IL31RA: variants seen among roughly 807,000 people sequenced by gnomAD.
IL31RA encodes interleukin-31 receptor subunit alpha.
Under a neutral mutation model 83.7 loss-of-function variants are expected in IL31RA, and 66 were observed. That is an observed-to-expected ratio of 0.79 (90% confidence interval 0.65 to 0.97). IL31RA has a LOEUF of 0.97. Ranked by LOEUF, IL31RA falls within the 50% of genes least tolerant of loss-of-function variation. The pLI is 0.00. For missense variants in IL31RA, 798 were observed against 919.4 expected (o/e 0.87, Z 1.71); for synonymous variants, 325 against 329.0 (o/e 0.99, Z 0.13).
At chr5:55,886,618 C>T (rs1424049232) in intron 5 of IL31RA, among the ~76,000 whole-genome samples, 2 of 152,128 alleles carry the variant, frequency 1.3e-5, no homozygotes, top group Non-Finnish European at 2.9e-5. Context: ...CAGTTGCAAT[C>T]CCAGCTAAAC....
intron 6 of IL31RA, among the ~76,000 whole-genome samples, chr5:55,895,734 A>T (rs986120524): frequency 1.3e-5 from 2 of 152,218 alleles, no homozygotes; most frequent in Non-Finnish European, 2.9e-5. Flanking sequence ...ACCAGAAAAT[A>T]GTTTCCCTTC....
chr5:55,907,627 G>T (rs551864219), intron 10 of IL31RA, among the ~76,000 whole-genome samples, 167 bp downstream of exon 10: 1 of 152,268 alleles, frequency 6.6e-6, no homozygotes, highest in South Asian at 2.1e-4. Context: ...TCTGAAGCTG[G>T]GGTAGACATT....
intron 12 of IL31RA, among the ~76,000 whole-genome samples, chr5:55,912,900 G>A (rs915194711): frequency 6.6e-6 from 1 of 151,842 alleles, no homozygotes; most frequent in African/African-American, 2.4e-5. Context: ...CCAGGAGTTC[G>A]AGGCTACAGT....
chr5:55,877,536 A>G (rs1746933919), intron 4 of IL31RA, among the ~76,000 whole-genome samples: 1 of 152,212 alleles, frequency 6.6e-6, no homozygotes, highest in African/African-American at 2.4e-5. Flanking sequence ...CCTATTGGTA[A>G]TGAACTCTCT....
intron 9 of IL31RA, among the ~76,000 whole-genome samples, chr5:55,907,001 A>G (rs972937341): frequency 6.6e-6 from 1 of 152,214 alleles, no homozygotes; most frequent in Non-Finnish European, 1.5e-5. Flanking sequence ...TAGAAGTCAC[A>G]GTGTTTGAGA....
upstream of IL31RA, among the ~76,000 whole-genome samples, chr5:55,847,775 G>T (rs954926478): frequency 2.0e-5 from 3 of 152,026 alleles, no homozygotes; most frequent in Non-Finnish European, 4.4e-5. Context: ...TCCTTTTTCT[G>T]TTCCAGGATC....
chr5:55,858,528 G>C (rs1028311140), intron 1 of IL31RA, among the ~76,000 whole-genome samples: 1 of 152,092 alleles, frequency 6.6e-6, no homozygotes, highest in African/African-American at 2.4e-5. Flanking sequence ...AAGGATTTCA[G>C]TTGGTTCATA....
intron 1 of IL31RA, among the ~76,000 whole-genome samples, chr5:55,852,465 C>A (rs1459614125): frequency 1.3e-5 from 2 of 152,192 alleles, no homozygotes; most frequent in Non-Finnish European, 2.9e-5. Flanking sequence ...AGCCACCACG[C>A]CTGGCTGGAA....
chr5:55,907,057 T>C (rs1363456299), intron 9 of IL31RA, among the ~76,000 whole-genome samples: 2 of 152,248 alleles, frequency 1.3e-5, no homozygotes, highest in Non-Finnish European at 2.9e-5. Flanking sequence ...TTAGGCAGCG[T>C]GTTCAGCGAT....
In IL31RA at chr5:55,915,968, T is replaced by C. The variant is rs944996680; in HGVS notation, c.1819-676T>C. On this transcript the variant is annotated intron_variant, in intron 14 of 14. Coordinates refer to ENST00000652347, the MANE Select transcript of IL31RA (RefSeq NM_139017.7). ...TTTCTGGTGAGGTTGAACAAGTCTG[T>C]CTCTATGATGTGGTTTTTCCATCCC... is the stretch of plus-strand genomic sequence containing the variant. Among the ~76,000 whole-genome samples, 5 of 152,366 alleles carry C rather than the reference T, an allele frequency of 3.3e-5. No homozygotes were observed. In the East Asian group the frequency reaches 5.8e-4, roughly 18 times the overall value.
the IL31RA span, among the ~76,000 whole-genome samples, chr5:55,845,560 C>T: frequency 6.6e-6 from 1 of 152,140 alleles, no homozygotes; most frequent in East Asian, 1.9e-4. Flanking sequence ...CTATTTCCCC[C>T]ACGCTGTTCT....
intron 2 of IL31RA, among the ~76,000 whole-genome samples, chr5:55,867,547 A>G (rs1378034838): frequency 6.6e-6 from 1 of 152,126 alleles, no homozygotes; most frequent in Non-Finnish European, 1.5e-5. Context: ...AACACATTAA[A>G]TAAGAAGACC....
chr5:55,844,692 A>G, the IL31RA span, among the ~76,000 whole-genome samples: 1 of 151,862 alleles, frequency 6.6e-6, no homozygotes, highest in Non-Finnish European at 1.5e-5. Flanking sequence ...TTACTGCTTT[A>G]AATATTGTGT....
intron 5 of IL31RA, among the ~76,000 whole-genome samples, chr5:55,885,229 A>G (rs1252921295): frequency 1.3e-5 from 2 of 152,100 alleles, no homozygotes; most frequent in African/African-American, 4.8e-5. Context: ...TTACTGCAGC[A>G]TGCTCTCCTT....
intron 13 of IL31RA, among the ~76,000 whole-genome samples, chr5:55,914,334 A>G (rs979348797): frequency 1.3e-5 from 2 of 152,190 alleles, no homozygotes; most frequent in Non-Finnish European, 2.9e-5. Context: ...TGATCTTAGC[A>G]TGCATCAGAA....
upstream of IL31RA, among the ~76,000 whole-genome samples, chr5:55,849,777 T>C (rs1296879255): frequency 6.6e-6 from 1 of 152,210 alleles, no homozygotes; most frequent in African/African-American, 2.4e-5. Context: ...TTGGCCACCA[T>C]TCTTGGAATT....
Position 55,907,463 on chromosome 5 carries a change from A to T in IL31RA, c.1354+3A>T. 6.3e-7 allele frequency: 1 copy of T among 1,587,326 alleles called. No homozygotes were observed. Among genetic ancestry groups the T allele is most frequent in the Non-Finnish European group, 8.7e-7 (1 of 1,155,426 alleles). On this transcript the variant is annotated splice_donor_region_variant and intron_variant, in intron 10 of 14. Coordinates refer to ENST00000652347, the MANE Select transcript of IL31RA (RefSeq NM_139017.7). The stretch of plus-strand genomic sequence containing the variant: ...CCAGGCTTATGCCAAAGAAGGCGGT[A>T]TGAATGGACAAGACCCTGTGGGGAA...
At chr5:55,852,035 C>T (rs886396718) in intron 1 of IL31RA, among the ~76,000 whole-genome samples, 2 of 152,176 alleles carry the variant, frequency 1.3e-5, no homozygotes, top group Admixed American at 6.5e-5. Context: ...TAATACACAA[C>T]ACCTTTAGTG....
intron 6 of IL31RA, among the ~76,000 whole-genome samples, chr5:55,894,017 T>C (rs920905400): frequency 2.0e-5 from 3 of 152,160 alleles, no homozygotes; most frequent in Admixed American, 1.3e-4. Context: ...CTCATATTTC[T>C]AGTCAAGTGC....
Sources: allele counts gnomAD v4.1 joint callset (sites outside exome capture counted in the v4.1 genomes callset), GRCh38; gene constraint gnomAD v4.1.1; transcripts MANE v1.5; gene names NCBI Gene and HGNC (gene_info 2026-07-23, HGNC 2026-07-21).